ATOSA: variants seen among roughly 807,000 people sequenced by gnomAD.
ATOSA encodes atos homolog protein A.
chr15:52,633,193 G>C, the ATOSA span, among the ~76,000 whole-genome samples: 1 of 152,178 alleles, frequency 6.6e-6, no homozygotes, highest in Non-Finnish European at 1.5e-5. Flanking sequence ...GTGATAGGCT[G>C]GAGGGAAAAC....
chr15:52,619,826 TAAAA>T, the ATOSA span, among the ~76,000 whole-genome samples: 1 of 116,492 alleles, frequency 8.6e-6, no homozygotes, highest in Non-Finnish European at 2.0e-5. Flanking sequence ...GAGACTGTCT[TAAAA>T]AAAAAAGAAA....
chr15:52,664,897 C>T, the ATOSA span, among the ~76,000 whole-genome samples: 1 of 151,654 alleles, frequency 6.6e-6, no homozygotes, highest in East Asian at 1.9e-4. Context: ...ATGATCATGC[C>T]ACTGCACTCC....
chr15:52,582,217 A>G, the ATOSA span: 7 of 1,603,880 alleles, frequency 4.4e-6, no homozygotes, highest in Admixed American at 1.7e-5. Context: ...GTTCATATGC[A>G]GCACCGCTAT....
At chr15:52,607,223 G>A in the ATOSA span, among the ~76,000 whole-genome samples, 1 of 152,120 alleles carries the variant, frequency 6.6e-6, no homozygotes, top group Non-Finnish European at 1.5e-5. Flanking sequence ...CAGTAACTTG[G>A]TGGTTTCCCT....
chr15:52,605,289 C>G, the ATOSA span: 1 of 1,337,578 alleles, frequency 7.5e-7, no homozygotes, highest in African/African-American at 1.5e-5. Flanking sequence ...TATTTAAATA[C>G]CATTTAAAGA....
chr15:52,605,348 G>A, the ATOSA span: 1 of 754,426 alleles, frequency 1.3e-6, no homozygotes, highest in East Asian at 2.9e-5. Flanking sequence ...ACATTCTGAG[G>A]TATTGCTGGT....
At chr15:52,635,282 T>C in the ATOSA span, among the ~76,000 whole-genome samples, 13 of 152,164 alleles carry the variant, frequency 8.5e-5, no homozygotes, top group African/African-American at 3.1e-4. Flanking sequence ...AAAACTTGAC[T>C]TGACATTTAT....
the ATOSA span, among the ~76,000 whole-genome samples, chr15:52,604,703 G>A: frequency 6.6e-6 from 1 of 152,192 alleles, no homozygotes; most frequent in African/African-American, 2.4e-5. Context: ...TTTAACCACT[G>A]CACTCAGATC....
At chr15:52,662,581 T>C in the ATOSA span, among the ~76,000 whole-genome samples, 58 of 152,110 alleles carry the variant, frequency 3.8e-4, no homozygotes, top group African/African-American at 1.3e-3. Context: ...CCATCCTGGC[T>C]AACACAGTGA....
At chr15:52,616,819 T>C in the ATOSA span, among the ~76,000 whole-genome samples, 2 of 152,158 alleles carry the variant, frequency 1.3e-5, no homozygotes, top group African/African-American at 2.4e-5. Flanking sequence ...ATATAGTGAA[T>C]GAGAGAAACA....
At chr15:52,587,220 C>A in the ATOSA span, 2 of 1,611,594 alleles carry the variant, frequency 1.2e-6, no homozygotes, top group South Asian at 2.2e-5. Context: ...TAATCACACC[C>A]TTGAAATAAA....
At chr15:52,626,573 T>TA in the ATOSA span, among the ~76,000 whole-genome samples, 3 of 151,028 alleles carry the variant, frequency 2.0e-5, no homozygotes, top group African/African-American at 7.3e-5. Context: ...GAGTTGGTTT[T>TA]TTTGTGGAAT....
the ATOSA span, among the ~76,000 whole-genome samples, chr15:52,654,582 G>A: frequency 6.6e-5 from 10 of 151,990 alleles, no homozygotes; most frequent in East Asian, 1.9e-4. Flanking sequence ...CTGCTCCTCC[G>A]GAACACACTT....
the ATOSA span, among the ~76,000 whole-genome samples, chr15:52,619,913 T>C: frequency 1.3e-5 from 2 of 152,102 alleles, no homozygotes; most frequent in African/African-American, 4.8e-5. Flanking sequence ...AAGGATGTTA[T>C]AAATTTTCAC....
the ATOSA span, among the ~76,000 whole-genome samples, chr15:52,620,626 G>T: frequency 2.3e-4 from 35 of 152,312 alleles, no homozygotes; most frequent in Non-Finnish European, 1.5e-4. Context: ...GGAACAACTT[G>T]GGGAATTGCT....
the ATOSA span, chr15:52,649,709 T>C: frequency 6.6e-6 from 1 of 152,140 alleles, no homozygotes; most frequent in Non-Finnish European, 1.5e-5. Flanking sequence ...TATTGTCAAA[T>C]AATAGACAAA....
the ATOSA span, among the ~76,000 whole-genome samples, chr15:52,628,631 A>G: frequency 2.0e-5 from 3 of 152,234 alleles, no homozygotes; most frequent in East Asian, 3.8e-4. Context: ...TCCTAGATAC[A>G]GCAAAACTTT....
the ATOSA span, among the ~76,000 whole-genome samples, chr15:52,630,964 A>G: frequency 6.6e-6 from 1 of 152,196 alleles, no homozygotes; most frequent in African/African-American, 2.4e-5. Context: ...ATATGTGATA[A>G]AATATTTTAA....
the ATOSA span, among the ~76,000 whole-genome samples, chr15:52,669,660 T>C: frequency 6.6e-6 from 1 of 152,226 alleles, no homozygotes; most frequent in Non-Finnish European, 1.5e-5. Context: ...CTTTAAATAT[T>C]GTTTATTCCC....
Sources: gnomAD v4.1 joint callset for allele counts (sites outside exome capture counted in the v4.1 genomes callset) on GRCh38, gnomAD v4.1.1 for gene constraint, MANE v1.5 for transcripts, NCBI Gene and HGNC (gene_info 2026-07-23, HGNC 2026-07-21) for gene names.